Variants in SAMMSON observed in about 807,000 individuals in gnomAD.
SAMMSON encodes the protein long intergenic non-protein coding RNA 1212.
rs570301750 is a variant in SAMMSON, at chr3:70,350,034, C to CT, written n.740-4139dup. On this transcript the variant is annotated intron_variant and non_coding_transcript_variant, in intron 7 of 9. Transcript: ENST00000642114. ...AGAAGAAGGAAAATTTCCACTTAAA[C>CT]TTCTTCCTTTTGGATACTTAACTTG... 5.7e-3 allele frequency among the ~76,000 whole-genome samples: 875 copies of CT among 152,268 alleles called. 5 individuals carry two copies. Among genetic ancestry groups the CT allele is most frequent in the Middle Eastern group, 0.014 (4 of 292 alleles).
chr3:70,260,667 C>T (rs1241004740), intron 6 of SAMMSON, among the ~76,000 whole-genome samples: 3 of 152,116 alleles, frequency 2.0e-5, no homozygotes, highest in Non-Finnish European at 4.4e-5. Context: ...AGACTGCCCT[C>T]TTTATACAGC....
intron 7 of SAMMSON, among the ~76,000 whole-genome samples, chr3:70,306,925 C>A (rs537951180): frequency 1.6e-3 from 246 of 152,042 alleles, no homozygotes; most frequent in African/African-American, 5.6e-3. Context: ...TACATATATA[C>A]ACATTGACTT....
chr3:70,113,965 C>T (rs2067399937), intron 4 of SAMMSON, among the ~76,000 whole-genome samples: 1 of 152,192 alleles, frequency 6.6e-6, no homozygotes, highest in African/African-American at 2.4e-5. Context: ...CTTGGACTTC[C>T]AGCCTCCAGA....
Position 70,244,137 on chromosome 3 carries a change from C to A in SAMMSON, n.508-4970C>A, listed in dbSNP as rs77662090. On this transcript the variant is annotated intron_variant and non_coding_transcript_variant, in intron 4 of 9. Transcript: ENST00000642114. ...TGGTTTTCTTTGGCTCAAATGGGAA[C>A]AAGGTGCCCATTATTTCTTTAATCC... is the stretch of plus-strand genomic sequence containing the variant. 5.1e-3 allele frequency among the ~76,000 whole-genome samples: 780 copies of A among 152,302 alleles called. 8 individuals are homozygous for A. The highest frequency in any genetic ancestry group is 0.049 in the South Asian group (235 of 4,818).
At chr3:70,304,764 A>G (rs1412905417) in intron 7 of SAMMSON, among the ~76,000 whole-genome samples, 5 of 152,170 alleles carry the variant, frequency 3.3e-5, no homozygotes, top group Non-Finnish European at 7.3e-5. Context: ...ATGACTGCAT[A>G]TGTTACCCTG....
chr3:70,051,544 G>A (rs970534576), intron 3 of SAMMSON, among the ~76,000 whole-genome samples: 1 of 151,150 alleles, frequency 6.6e-6, no homozygotes, highest in Non-Finnish European at 1.5e-5. Flanking sequence ...TTTCTGTGCT[G>A]TTAAAAGGGT....
intron 4 of SAMMSON, chr3:70,197,058 G>A (rs1701188559): frequency 5.0e-6 from 2 of 398,438 alleles, no homozygotes; most frequent in Non-Finnish European, 8.8e-6. Flanking sequence ...TTTCATCCGA[G>A]GTGTGGTGAT....
intron 6 of SAMMSON, among the ~76,000 whole-genome samples, chr3:70,281,128 A>G (rs1702078576): frequency 6.6e-6 from 1 of 152,128 alleles, no homozygotes; most frequent in Non-Finnish European, 1.5e-5. Flanking sequence ...TTTTTCAAGG[A>G]TGTTTCAGAG....
rs1355636938 is a variant in SAMMSON, at chr3:70,300,436, TA to T, written n.739+9198del. Among the ~76,000 whole-genome samples the T allele has an allele frequency of 3.3e-5, 5 of 152,162 alleles. No homozygotes were observed. The South Asian group carries it at 6.2e-4, about 19-fold the overall frequency. ...TATCTTACAAATTGAAGATATCCAA[TA>T]AAAATATAGTTAGAAGGGCATAGAG... is the stretch of plus-strand genomic sequence containing the variant. On this transcript the variant is annotated intron_variant and non_coding_transcript_variant, in intron 7 of 9. Coordinates refer to ENST00000642114, the Ensembl canonical transcript of SAMMSON.
chr3:70,102,808 G>A (rs1348275678), intron 4 of SAMMSON, among the ~76,000 whole-genome samples: 2 of 152,130 alleles, frequency 1.3e-5, no homozygotes, highest in Non-Finnish European at 2.9e-5. Flanking sequence ...AAAGTTAATG[G>A]ATGTATTTGG....
At chr3:70,259,671 A>G (rs1017597240) in intron 6 of SAMMSON, among the ~76,000 whole-genome samples, 2 of 152,210 alleles carry the variant, frequency 1.3e-5, no homozygotes, top group Non-Finnish European at 2.9e-5. Context: ...GTGGGCTCCC[A>G]TATTAGTTTC....
At chr3:70,236,938 A>C (rs2106749354) in intron 4 of SAMMSON, among the ~76,000 whole-genome samples, 1 of 152,316 alleles carries the variant, frequency 6.6e-6, no homozygotes, top group African/African-American at 2.4e-5. Flanking sequence ...TTATTAAGCA[A>C]GTCACATGTA....
intron 2 of SAMMSON, among the ~76,000 whole-genome samples, chr3:70,403,507 G>A (rs79199926): frequency 0.077 from 11,747 of 152,224 alleles, 646 homozygotes; most frequent in East Asian, 0.25. Context: ...GTAGATCGCA[G>A]ATTGGCAAAC....
At chr3:70,256,498 C>T (rs1227700329) in intron 6 of SAMMSON, among the ~76,000 whole-genome samples, 51 of 152,160 alleles carry the variant, frequency 3.4e-4, no homozygotes, top group Non-Finnish European at 2.9e-5. Context: ...TCATTTAGTT[C>T]ATTTAGTTCT....
chr3:70,065,045 GA>G (rs2067204536), intron 3 of SAMMSON, among the ~76,000 whole-genome samples: 2 of 152,084 alleles, frequency 1.3e-5, no homozygotes, highest in African/African-American at 4.8e-5. Context: ...ACATTGGTTG[GA>G]AACTAATTTA....
At chr3:70,285,562 G>C (rs1033968474) in intron 6 of SAMMSON, among the ~76,000 whole-genome samples, 1 of 151,560 alleles carries the variant, frequency 6.6e-6, no homozygotes, top group African/African-American at 2.4e-5. Flanking sequence ...TAGTCCTTTG[G>C]GTATATACCC....
intron 3 of SAMMSON, among the ~76,000 whole-genome samples, chr3:70,061,209 C>T (rs1303236496): frequency 1.3e-5 from 2 of 151,888 alleles, no homozygotes; most frequent in South Asian, 2.1e-4. Context: ...TTTGGGTTTG[C>T]GTGTGTTGTG....
At chr3:70,285,385 A>G (rs1702149860) in intron 6 of SAMMSON, among the ~76,000 whole-genome samples, 1 of 151,810 alleles carries the variant, frequency 6.6e-6, no homozygotes, top group South Asian at 2.1e-4. Flanking sequence ...AAGGACATGA[A>G]CTCATCAGTT....
chr3:70,107,908 C>G (rs2067373557), intron 4 of SAMMSON, among the ~76,000 whole-genome samples: 1 of 152,044 alleles, frequency 6.6e-6, no homozygotes, highest in Non-Finnish European at 1.5e-5. Flanking sequence ...GAAGGATACA[C>G]CTGGTACATC....
Sources: allele counts gnomAD v4.1 joint callset (sites outside exome capture counted in the v4.1 genomes callset), GRCh38; gene constraint gnomAD v4.1.1; transcripts MANE v1.5; gene names NCBI Gene and HGNC (gene_info 2026-07-23, HGNC 2026-07-21).